PFKFB3: variants seen among roughly 807,000 people sequenced by gnomAD.
The protein encoded by PFKFB3 is 6-phosphofructo-2-kinase/fructose-2,6-bisphosphatase 3.
Under a neutral mutation model 68.0 loss-of-function variants are expected in PFKFB3, and 33 were observed. The ratio of observed to expected loss-of-function variants is 0.49; its 90% confidence interval spans 0.37 to 0.65. PFKFB3 has a LOEUF of 0.65. PFKFB3 is among the 30% of genes least tolerant of loss of function. PFKFB3 has a pLI of 0.00. For missense variants in PFKFB3, 586 were observed against 712.2 expected, an observed-to-expected ratio of 0.82 and a Z score of 2.02; for synonymous variants, 315 against 288.2, an observed-to-expected ratio of 1.09 and a Z score of -0.94.
chr10:6,302,471 T>A, the PFKFB3 span, among the ~76,000 whole-genome samples: 54,519 of 141,296 alleles, frequency 0.39, 11,822 homozygotes, highest in Non-Finnish European at 0.49. Context: ...AACCTCCACT[T>A]CCTGGGTTCA....
At chr10:6,185,099 T>C (rs774563194) in intron 1 of PFKFB3, among the ~76,000 whole-genome samples, 1 of 152,226 alleles carries the variant, frequency 6.6e-6, no homozygotes, top group African/African-American at 2.4e-5. Flanking sequence ...GTTATTTCCA[T>C]GAGGACACTA....
chr10:6,239,541 G>A (rs1223167020), downstream of PFKFB3, among the ~76,000 whole-genome samples: 1 of 152,216 alleles, frequency 6.6e-6, no homozygotes, highest in African/African-American at 2.4e-5. Context: ...ATTTTCTGGA[G>A]TGGGTCATAA....
chr10:6,319,796 T>C, the PFKFB3 span, among the ~76,000 whole-genome samples: 1 of 152,222 alleles, frequency 6.6e-6, no homozygotes, highest in African/African-American at 2.4e-5. Flanking sequence ...TCCTGATACA[T>C]TCTATTATCT....
chr10:6,224,429 C>A, intron 13 of PFKFB3: 1 of 634,966 alleles, frequency 1.6e-6, no homozygotes, highest in South Asian at 1.8e-5. Context: ...GTGTCCTCTT[C>A]CTCCCATTTC....
intron 1 of PFKFB3, among the ~76,000 whole-genome samples, chr10:6,197,145 C>T (rs781115229): frequency 1.4e-4 from 21 of 152,076 alleles, no homozygotes; most frequent in African/African-American, 4.8e-4. Context: ...CCACCATGCC[C>T]AGCTAATTTT....
At chr10:6,222,770 T>G in intron 10 of PFKFB3, 85 bp from the exon 11 acceptor site, 1 of 1,450,436 alleles carries the variant, frequency 6.9e-7, no homozygotes, top group Non-Finnish European at 9.3e-7. Flanking sequence ...CGTGGCTCTC[T>G]GGCCGGTCTG....
At chr10:6,165,162 C>T (rs1346550603) in intron 1 of PFKFB3, among the ~76,000 whole-genome samples, 1 of 152,196 alleles carries the variant, frequency 6.6e-6, no homozygotes, top group East Asian at 1.9e-4. Flanking sequence ...TCCCTGCAGC[C>T]TTCTGCAGTG....
the PFKFB3 span, among the ~76,000 whole-genome samples, chr10:6,300,083 G>A: frequency 3.6e-5 from 5 of 138,968 alleles, no homozygotes; most frequent in Non-Finnish European, 7.6e-5. Context: ...AATACCCATT[G>A]TAGTTAGGGT....
At chr10:6,286,882 T>C in the PFKFB3 span, among the ~76,000 whole-genome samples, 1 of 152,228 alleles carries the variant, frequency 6.6e-6, no homozygotes, top group Admixed American at 6.5e-5. Flanking sequence ...CTCTCTTAGC[T>C]TATCAATTAT....
chr10:6,272,039 G>T, the PFKFB3 span, among the ~76,000 whole-genome samples: 1 of 152,202 alleles, frequency 6.6e-6, no homozygotes, highest in East Asian at 1.9e-4. Flanking sequence ...ATAGACAGTT[G>T]CCCCTGCCCC....
At chr10:6,252,982 G>A (rs1276510563) in intron 14 of PFKFB3, among the ~76,000 whole-genome samples, 2 of 152,120 alleles carry the variant, frequency 1.3e-5, no homozygotes, top group Non-Finnish European at 2.9e-5. Context: ...GCAGTGGCGC[G>A]ATGTCAGCTC....
the PFKFB3 span, among the ~76,000 whole-genome samples, chr10:6,283,687 G>A: frequency 6.6e-6 from 1 of 152,222 alleles, no homozygotes; most frequent in African/African-American, 2.4e-5. Flanking sequence ...AAAGTTACGA[G>A]TTGTTTTTCA....
At chr10:6,223,773 C>T (rs1196844579) in intron 11 of PFKFB3, among the ~76,000 whole-genome samples, 185 bp from the exon 12 acceptor site, 1 of 152,206 alleles carries the variant, frequency 6.6e-6, no homozygotes, top group Non-Finnish European at 1.5e-5. Flanking sequence ...TGTGCTACCA[C>T]ACCCTGGCTA....
chr10:6,231,222 T>C (rs1318079601), intron 14 of PFKFB3: 5 of 1,342,454 alleles, frequency 3.7e-6, no homozygotes, highest in Non-Finnish European at 5.3e-6. Context: ...TTTTTTTCCT[T>C]TTCCAACCTG....
chr10:6,203,132 C>A lies in PFKFB3; in HGVS notation c.-129C>A. On this transcript the variant is annotated 5_prime_UTR_variant, in exon 1 of 15. Transcript: ENST00000379775. ...CCAAAGCACGTTTCCCCTGGCAGCG[C>A]AGGAAACGCCCGGCCGCGCGCCGGC... 1 of 1,491,780 alleles carries A rather than the reference C, an allele frequency of 6.7e-7. No individual in the cohort carries two copies. Among genetic ancestry groups the A allele is most frequent in the South Asian group, 1.3e-5 (1 of 76,414 alleles). 92.4% of individuals were successfully genotyped at this position (1,491,780 alleles called of 1,614,324 possible). A position where few individuals can be genotyped will look rare whatever the true frequency, so the allele number is the denominator to read the frequency against.
chr10:6,165,610 T>C (rs966021535), intron 1 of PFKFB3, among the ~76,000 whole-genome samples: 1 of 152,106 alleles, frequency 6.6e-6, no homozygotes, highest in African/African-American at 2.4e-5. Flanking sequence ...CCTATGTTAG[T>C]GGGAGAATAG....
the PFKFB3 span, among the ~76,000 whole-genome samples, chr10:6,272,840 G>T: frequency 1.3e-5 from 2 of 152,152 alleles, no homozygotes; most frequent in African/African-American, 4.8e-5. Flanking sequence ...TGAGAACAGG[G>T]TCAGATGGAG....
In PFKFB3 at chr10:6,221,432, C is replaced by A. The variant is rs372640050; in HGVS notation, c.883C>A (p.Arg295Ser). 5.6e-6 allele frequency: 9 copies of A among 1,613,808 alleles called. No individual in the cohort carries two copies. Among genetic ancestry groups the A allele is most frequent in the Non-Finnish European group, 7.6e-6 (9 of 1,180,004 alleles). ...FVEEQNLKDL[R>S]VWTSQLKSTI... Reference sequence around the variant, plus strand: ...GGAGGAGCAGAACCTGAAGGACCTGCGCGTGTGGACCAGCCAGCTGAAGAG... The same window carrying A: ...GGAGGAGCAGAACCTGAAGGACCTGAGCGTGTGGACCAGCCAGCTGAAGAG... The change falls in exon 9 of 15, where the codon CGC becomes AGC. Residue 295 changes from arginine to serine, a missense_variant. Transcript: ENST00000379775.
chr10:6,288,419 G>C, the PFKFB3 span, among the ~76,000 whole-genome samples: 1 of 135,818 alleles, frequency 7.4e-6, no homozygotes, highest in Middle Eastern at 4.3e-3. Context: ...TGTTCTCATT[G>C]TTCAATTCCC....
Sources: gnomAD v4.1 joint callset for allele counts (sites outside exome capture counted in the v4.1 genomes callset) on GRCh38, gnomAD v4.1.1 for gene constraint, MANE v1.5 for transcripts, NCBI Gene and HGNC (gene_info 2026-07-23, HGNC 2026-07-21) for gene names.